FRMD4A: variants seen among roughly 807,000 people sequenced by gnomAD.
FRMD4A encodes the protein FERM domain containing 4A.
A neutral mutation model predicts 129.1 loss-of-function variants in FRMD4A; 29 were observed. The observed-to-expected ratio is 0.22, with a 90% confidence interval of 0.17 to 0.31. The LOEUF is 0.31. Ranked by LOEUF, FRMD4A falls within the 10% of genes least tolerant of loss-of-function variation. The probability of loss-of-function intolerance (pLI) is 1.00; values close to 1 mark genes in which losing one functional copy is unlikely to be tolerated. For synonymous variants in FRMD4A, 634 were observed against 571.6 expected (o/e 1.11, Z -1.56); for missense variants, 1,272 against 1,375.8 (o/e 0.92, Z 1.19).
At chr10:13,803,173 C>G (rs924906721) in intron 4 of FRMD4A, among the ~76,000 whole-genome samples, 2 of 147,204 alleles carry the variant, frequency 1.4e-5, no homozygotes, top group Non-Finnish European at 3.0e-5. Context: ...AAGGGACAGA[C>G]CAGTGATACT....
At chr10:13,688,860 GGTGT>G (rs1322531445) in intron 15 of FRMD4A, among the ~76,000 whole-genome samples, 1 of 151,916 alleles carries the variant, frequency 6.6e-6, no homozygotes, top group African/African-American at 2.4e-5. Context: ...TGGGATTATG[GGTGT>G]GTAATTACAC....
At chr10:14,008,830 T>C (rs541656836) in intron 2 of FRMD4A, among the ~76,000 whole-genome samples, 1 of 152,316 alleles carries the variant, frequency 6.6e-6, no homozygotes, top group Admixed American at 6.5e-5. Context: ...TTACCCTTCC[T>C]GCTTTCTAAC....
intron 2 of FRMD4A, among the ~76,000 whole-genome samples, chr10:13,991,235 G>A (rs936150344): frequency 6.6e-6 from 1 of 152,196 alleles, no homozygotes; most frequent in South Asian, 2.1e-4. Context: ...GAAGCGTAGA[G>A]TGAAAAGGAC....
At chr10:13,675,159 G>C in intron 15 of FRMD4A, 115 bp from the exon 16 acceptor site, 3 of 942,494 alleles carry the variant, frequency 3.2e-6, no homozygotes, top group Non-Finnish European at 5.0e-6. Context: ...AGGAATCAAG[G>C]GAGTGTGAAA....
At chr10:13,986,427 C>T (rs1197670419) in intron 2 of FRMD4A, among the ~76,000 whole-genome samples, 1 of 143,052 alleles carries the variant, frequency 7.0e-6, no homozygotes, top group Non-Finnish European at 1.5e-5. Context: ...TGTTCTCACT[C>T]ATAGATGGGA....
chr10:14,164,851 C>T (rs535544247), intron 2 of FRMD4A, among the ~76,000 whole-genome samples: 44 of 152,330 alleles, frequency 2.9e-4, no homozygotes, highest in Non-Finnish European at 6.0e-4. Flanking sequence ...CTTCAACTTT[C>T]TTAAAACATG....
At chr10:13,824,181 A>C (rs2093666971) in intron 3 of FRMD4A, among the ~76,000 whole-genome samples, 1 of 152,100 alleles carries the variant, frequency 6.6e-6, no homozygotes, top group South Asian at 2.1e-4. Context: ...AAAATACTTA[A>C]AAACAAAAAA....
chr10:13,883,631 T>C (rs1206029617), intron 2 of FRMD4A, among the ~76,000 whole-genome samples: 1 of 152,222 alleles, frequency 6.6e-6, no homozygotes, highest in Non-Finnish European at 1.5e-5. Context: ...TATCGACTAA[T>C]TTACAACTTT....
intron 8 of FRMD4A, among the ~76,000 whole-genome samples, chr10:13,761,145 C>A (rs2092057211): frequency 6.6e-6 from 1 of 152,170 alleles, no homozygotes; most frequent in Admixed American, 6.5e-5. Context: ...TTCTCCAACA[C>A]AATATCCTAA....
chr10:14,202,264 C>G (rs895745192), intron 2 of FRMD4A, among the ~76,000 whole-genome samples: 1 of 152,162 alleles, frequency 6.6e-6, no homozygotes, highest in Non-Finnish European at 1.5e-5. Context: ...GTGCCCCAGC[C>G]TGACTTTGTG....
intron 3 of FRMD4A, among the ~76,000 whole-genome samples, chr10:13,842,203 T>C (rs552016600): frequency 6.6e-6 from 1 of 152,322 alleles, no homozygotes; most frequent in East Asian, 1.9e-4. Flanking sequence ...ATCCCAAGAA[T>C]AATTTGGTGA....
rs374464932 is a variant in FRMD4A, at chr10:13,654,453, G to T, written c.3013C>A (p.Pro1005Thr). ...TPSSEIGATP[P>T]SSPHHILTWQ... Reference sequence around the variant, plus strand: ...GTTAGGATGTGGTGGGGGCTGCTTGGGGGGGTGGCTCCAATTTCACTTGAC... The same window carrying T: ...GTTAGGATGTGGTGGGGGCTGCTTGTGGGGGTGGCTCCAATTTCACTTGAC... The change falls in exon 23 of 25, where the codon CCA (proline) becomes ACA (threonine). Residue 1005 changes from proline to threonine, a missense_variant. Physicochemically the swap from Pro to Thr is conservative, Grantham distance 38. This residue lies in a region of FRMD4A where 972 missense variants were observed against 892.3 expected (regional missense o/e 1.09). Transcript: ENST00000357447. The T allele has an allele frequency of 2.1e-5, 34 of 1,613,442 alleles. No homozygotes were observed. Among genetic ancestry groups the T allele is most frequent in the Admixed American group, 3.3e-5 (2 of 60,010 alleles).
At chr10:14,138,235 G>A (rs955446453) in intron 2 of FRMD4A, among the ~76,000 whole-genome samples, 1 of 152,160 alleles carries the variant, frequency 6.6e-6, no homozygotes, top group African/African-American at 2.4e-5. Flanking sequence ...TAACACCAAG[G>A]TGACCAAGAC....
intron 24 of FRMD4A, among the ~76,000 whole-genome samples, chr10:13,650,317 G>T (rs1474650162): frequency 6.6e-6 from 1 of 152,170 alleles, no homozygotes; most frequent in Non-Finnish European, 1.5e-5. Context: ...TAGGGGATGA[G>T]GCCCTCTAGA....
At chr10:14,201,546 C>T (rs961339657) in intron 2 of FRMD4A, among the ~76,000 whole-genome samples, 3 of 152,178 alleles carry the variant, frequency 2.0e-5, no homozygotes, top group African/African-American at 7.2e-5. Context: ...CCTTCCCTCT[C>T]CCATTCGCTT....
chr10:14,172,066 G>C (rs923200282), intron 2 of FRMD4A, among the ~76,000 whole-genome samples: 1 of 152,170 alleles, frequency 6.6e-6, no homozygotes, highest in African/African-American at 2.4e-5. Flanking sequence ...TGCCCAGTCA[G>C]GTCTTGTTCC....
At chr10:14,175,766 C>T (rs1381624779) in intron 2 of FRMD4A, among the ~76,000 whole-genome samples, 1 of 152,118 alleles carries the variant, frequency 6.6e-6, no homozygotes, top group Non-Finnish European at 1.5e-5. Context: ...CTCAAGAGAT[C>T]CTTCCGCCTC....
At chr10:14,020,898 G>A (rs10906571) in intron 2 of FRMD4A, among the ~76,000 whole-genome samples, 58,988 of 152,006 alleles carry the variant, frequency 0.39, 13,997 homozygotes, top group Non-Finnish European at 0.54. Context: ...GATTGCAGCA[G>A]GCGACTTAAA....
chr10:14,130,190 C>A (rs754652068), intron 2 of FRMD4A, among the ~76,000 whole-genome samples: 1 of 152,192 alleles, frequency 6.6e-6, no homozygotes, highest in Non-Finnish European at 1.5e-5. Flanking sequence ...TCCATCAAAC[C>A]AGAGACTCCT....
Sources: allele counts gnomAD v4.1 joint callset (sites outside exome capture counted in the v4.1 genomes callset), GRCh38; gene constraint gnomAD v4.1.1; regional missense constraint gnomAD v4.1.1; transcripts MANE v1.5; gene names NCBI Gene and HGNC (gene_info 2026-07-23, HGNC 2026-07-21).